Variants in CLNK observed in about 807,000 individuals in gnomAD.
CLNK encodes the protein cytokine dependent hematopoietic cell linker, also known as cytokine-dependent hematopoietic cell linker.
In CLNK, 74 loss-of-function variants were observed where a neutral mutation model predicts 68.6. The ratio of observed to expected loss-of-function variants is 1.08; its 90% CI spans 0.89 to 1.31. CLNK has a LOEUF of 1.31. Among genes scored for constraint, CLNK ranks in the 50% most tolerant of loss-of-function variants. The probability of loss-of-function intolerance (pLI) is 0.00; values close to 1 mark genes in which losing one functional copy is unlikely to be tolerated. For synonymous variants in CLNK, 198 were observed against 172.2 expected, an observed-to-expected ratio of 1.15 and a Z score of -1.17; for missense variants, 553 against 515.3, an observed-to-expected ratio of 1.07 and a Z score of -0.71.
intron 2 of CLNK, among the ~76,000 whole-genome samples, chr4:10,614,264 A>T (rs997467833): frequency 6.6e-6 from 1 of 152,194 alleles, no homozygotes; most frequent in African/African-American, 2.4e-5. Flanking sequence ...TAGCACGTTG[A>T]TGAGTGGCTC....
chr4:10,656,815 G>T (rs1048197571), intron 2 of CLNK, among the ~76,000 whole-genome samples: 9 of 152,110 alleles, frequency 5.9e-5, no homozygotes, highest in Non-Finnish European at 8.8e-5. Context: ...AGTGTCTATT[G>T]ACTGGAGAGT....
intron 3 of CLNK, among the ~76,000 whole-genome samples, chr4:10,592,304 A>G (rs1721207767): frequency 6.6e-6 from 1 of 151,496 alleles, no homozygotes; most frequent in Non-Finnish European, 1.5e-5. Context: ...ACATATTAAA[A>G]AACAAAAACA....
chr4:10,523,795 T>C (rs1718183616), intron 14 of CLNK, among the ~76,000 whole-genome samples: 1 of 152,104 alleles, frequency 6.6e-6, no homozygotes, highest in Non-Finnish European at 1.5e-5. Flanking sequence ...GGGGCCAAGG[T>C]GGGTGAATCA....
intron 3 of CLNK, among the ~76,000 whole-genome samples, chr4:10,592,171 T>G (rs902537724): frequency 3.3e-5 from 5 of 152,254 alleles, no homozygotes; most frequent in Admixed American, 6.5e-5. Flanking sequence ...AAATCTCATA[T>G]TGTAAAACCT....
the CLNK span, among the ~76,000 whole-genome samples, chr4:10,710,223 G>A: frequency 6.6e-6 from 1 of 152,182 alleles, no homozygotes. Flanking sequence ...GCTCTGGTCA[G>A]AAACACAGCC....
intron 5 of CLNK, among the ~76,000 whole-genome samples, chr4:10,570,974 A>G (rs900485365): frequency 6.6e-6 from 1 of 152,190 alleles, no homozygotes; most frequent in African/African-American, 2.4e-5. Flanking sequence ...GTATCAGTAC[A>G]TATTTTAGAT....
chr4:10,704,950 T>A, the CLNK span, among the ~76,000 whole-genome samples: 1 of 152,154 alleles, frequency 6.6e-6, no homozygotes, highest in Non-Finnish European at 1.5e-5. Flanking sequence ...GGTACCAATG[T>A]GGTCAATTTG....
At chr4:10,608,302 C>T (rs1721863719) in intron 2 of CLNK, among the ~76,000 whole-genome samples, 1 of 152,218 alleles carries the variant, frequency 6.6e-6, no homozygotes, top group Non-Finnish European at 1.5e-5. Context: ...ACTTGAGATG[C>T]AGATTGCTCA....
chr4:10,618,203 A>T (rs1392804674), intron 2 of CLNK, among the ~76,000 whole-genome samples: 1 of 152,236 alleles, frequency 6.6e-6, no homozygotes, highest in Non-Finnish European at 1.5e-5. Flanking sequence ...AAAAATGGAT[A>T]AACTGTTACA....
At position 10,501,292 on chromosome 4, in the gene CLNK, C is replaced by A; in HGVS notation, c.1104G>T (p.Gln368His). Residue 368 changes from glutamine to histidine, a missense_variant, in exon 18 of 19, where the codon CAG (glutamine) becomes CAT (histidine). Gln to His is a conservative substitution (Grantham distance 24, BLOSUM62 0). Transcript: ENST00000226951. ...NVKIRFLERN[Q>H]QFALGTGLRG... ...TGAGTCCTGTCCCCAGGGCAAACTG[C>A]TGATTCCTCTCCAGGAAGCGTATTT... 1 of 1,604,308 alleles carries A rather than the reference C, an allele frequency of 6.2e-7. No homozygotes were observed. Among genetic ancestry groups the A allele is most frequent in the Non-Finnish European group, 8.5e-7 (1 of 1,176,812 alleles).
At chr4:10,716,007 G>C in the CLNK span, among the ~76,000 whole-genome samples, 1 of 152,156 alleles carries the variant, frequency 6.6e-6, no homozygotes, top group Non-Finnish European at 1.5e-5. Context: ...TGTTTGAGAA[G>C]GTAGGAAAGT....
chr4:10,603,014 C>T (rs2108848543), intron 2 of CLNK, among the ~76,000 whole-genome samples: 1 of 152,248 alleles, frequency 6.6e-6, no homozygotes, highest in East Asian at 1.9e-4. Context: ...TAGTTATTCC[C>T]CTCTAATTTC....
At chr4:10,730,776 G>A in the CLNK span, among the ~76,000 whole-genome samples, 1 of 152,240 alleles carries the variant, frequency 6.6e-6, no homozygotes, top group Middle Eastern at 3.4e-3. Context: ...CAACTCATAT[G>A]TACGTTTAAC....
Position 10,507,986 on chromosome 4 carries a change from C to T in CLNK, c.957G>A (p.Val319=). ...WYIGEYSRQA[V]EEAFMKENKD... ...TGTTCTCCTTCATGAATGCCTCTTC[C>T]ACTGCCTGGCGGCTGTATTCTCCAA... Residue 319 remains valine (V), a synonymous_variant, in exon 17 of 19, where the codon GTG becomes GTA. Transcript: ENST00000226951. The T allele has an allele frequency of 1.2e-6, 2 of 1,610,356 alleles. No individual in the cohort carries two copies. The highest frequency in any genetic ancestry group is 1.7e-6 in the Non-Finnish European group (2 of 1,178,378).
the CLNK span, among the ~76,000 whole-genome samples, chr4:10,716,554 A>G: frequency 6.6e-6 from 1 of 152,224 alleles, no homozygotes; most frequent in Non-Finnish European, 1.5e-5. Flanking sequence ...TTTCTGTTTT[A>G]CGTGTCCCAA....
intron 2 of CLNK, among the ~76,000 whole-genome samples, chr4:10,618,310 C>T (rs981744043): frequency 1.3e-5 from 2 of 152,066 alleles, no homozygotes; most frequent in Non-Finnish European, 2.9e-5. Context: ...GTGAAATAAT[C>T]CAGAAAAGGC....
the CLNK span, among the ~76,000 whole-genome samples, chr4:10,711,777 T>C: frequency 2.0e-5 from 3 of 152,196 alleles, no homozygotes; most frequent in Non-Finnish European, 4.4e-5. Flanking sequence ...GGAATTGAAA[T>C]AGATTATTTC....
intron 18 of CLNK, among the ~76,000 whole-genome samples, chr4:10,499,401 C>T (rs955225981): frequency 2.6e-5 from 4 of 152,146 alleles, no homozygotes; most frequent in Non-Finnish European, 1.5e-5. Flanking sequence ...GGATTTTGAG[C>T]GTTATTCCTA....
chr4:10,629,866 A>G (rs1414133160), intron 2 of CLNK, among the ~76,000 whole-genome samples: 2 of 152,004 alleles, frequency 1.3e-5, no homozygotes, highest in Non-Finnish European at 2.9e-5. Context: ...TTCCAAAATT[A>G]GAACCTCTCC....
Sources: gnomAD v4.1 joint callset for allele counts (sites outside exome capture counted in the v4.1 genomes callset) on GRCh38, gnomAD v4.1.1 for gene constraint, MANE v1.5 for transcripts, NCBI Gene and HGNC (gene_info 2026-07-23, HGNC 2026-07-21) for gene names.